The following TBC1D32 variants were observed in gnomAD, a reference collection of about 807,000 sequenced individuals.
The protein encoded by TBC1D32 is TBC1 domain family member 32, also known as protein broad-minded.
In TBC1D32, 151 loss-of-function variants were observed where a neutral mutation model predicts 170.3. That is an observed-to-expected ratio of 0.89 (90% confidence interval 0.78 to 1.01). The LOEUF is 1.01. Among genes scored for constraint, TBC1D32 ranks in the 50% least tolerant of loss-of-function variants. The pLI is 0.00. For missense variants in TBC1D32, 1,464 were observed against 1,457.1 expected (o/e 1.00, Z -0.08); for synonymous variants, 498 against 488.0 (o/e 1.02, Z -0.27).
At chr6:121,155,866 G>A (rs1241485417) in intron 24 of TBC1D32, among the ~76,000 whole-genome samples, 1 of 151,946 alleles carries the variant, frequency 6.6e-6, no homozygotes, top group East Asian at 1.9e-4. Flanking sequence ...CTAACTTGTG[G>A]TGAATTAACT....
At chr6:121,155,470 C>T (rs1784764028) in intron 24 of TBC1D32, among the ~76,000 whole-genome samples, 1 of 151,976 alleles carries the variant, frequency 6.6e-6, no homozygotes, top group South Asian at 2.1e-4. Context: ...TTCTTCTTTT[C>T]CTATTTGGAT....
chr6:121,133,861 A>G (rs1432437457), intron 24 of TBC1D32, among the ~76,000 whole-genome samples: 2 of 152,072 alleles, frequency 1.3e-5, no homozygotes, highest in South Asian at 2.1e-4. Flanking sequence ...GTCAGAAGCA[A>G]TAACTAGAGA....
At chr6:121,100,064 T>C (rs2128185226) in intron 30 of TBC1D32, among the ~76,000 whole-genome samples, 1 of 152,090 alleles carries the variant, frequency 6.6e-6, no homozygotes, top group Non-Finnish European at 1.5e-5. Context: ...GGTTTCCATG[T>C]AGTTGAGCGG....
chr6:121,204,119 T>C (rs1280557568), intron 22 of TBC1D32, among the ~76,000 whole-genome samples: 7 of 150,658 alleles, frequency 4.6e-5, no homozygotes, highest in Admixed American at 4.6e-4. Flanking sequence ...TTTCCTAGTT[T>C]CCCCCATCAA....
chr6:121,156,570 G>A (rs987505832), intron 24 of TBC1D32, among the ~76,000 whole-genome samples: 3 of 151,472 alleles, frequency 2.0e-5, no homozygotes, highest in Admixed American at 2.0e-4. Context: ...CTGGAGTCAG[G>A]TGGGTTTTTT....
chr6:121,277,487 CAAAAAAAAAAAA>C (rs755504493), intron 15 of TBC1D32, among the ~76,000 whole-genome samples: 3 of 28,222 alleles, frequency 1.1e-4, no homozygotes, highest in Non-Finnish European at 2.1e-4. Context: ...GACTCCATCT[CAAAAAAAAAAAA>C]AAAAAAAAAA....
intron 30 of TBC1D32, among the ~76,000 whole-genome samples, chr6:121,094,864 G>A (rs530454331): frequency 6.6e-5 from 10 of 152,016 alleles, no homozygotes; most frequent in East Asian, 1.9e-4. Context: ...TTGTGGATAC[G>A]TATTTTCAAA....
chr6:121,161,079 T>A, intron 22 of TBC1D32, 23 bp from the exon 23 acceptor site: 1 of 1,530,196 alleles, frequency 6.5e-7, no homozygotes, highest in Non-Finnish European at 9.0e-7. Context: ...ATATATCACC[T>A]TTGTCATCCT....
chr6:121,142,855 A>G (rs556920682), intron 24 of TBC1D32, among the ~76,000 whole-genome samples: 6 of 152,282 alleles, frequency 3.9e-5, no homozygotes, highest in African/African-American at 1.2e-4. Context: ...TTAAATTACT[A>G]TTTTACTACC....
intron 15 of TBC1D32, among the ~76,000 whole-genome samples, chr6:121,276,294 C>T (rs1197716314): frequency 6.6e-6 from 1 of 151,862 alleles, no homozygotes; most frequent in Non-Finnish European, 1.5e-5. Context: ...GGTCATTGCG[C>T]TAGATGTTAA....
At chr6:121,227,828 G>T (rs1000813464) in intron 20 of TBC1D32, among the ~76,000 whole-genome samples, 2 of 152,040 alleles carry the variant, frequency 1.3e-5, no homozygotes, top group Non-Finnish European at 2.9e-5. Context: ...AATTAGAAAT[G>T]GTTTCCTCTA....
At chr6:121,232,695 T>G (rs2128342947) in intron 20 of TBC1D32, among the ~76,000 whole-genome samples, 1 of 151,224 alleles carries the variant, frequency 6.6e-6, no homozygotes, top group South Asian at 2.1e-4. Flanking sequence ...GCAACTATTG[T>G]AAACCAGGTT....
rs527319762 is a variant in TBC1D32, at chr6:121,108,519, C to A, written c.3325-2356G>T. Among the ~76,000 whole-genome samples, 29 of 151,998 alleles carry A rather than the reference C, an allele frequency of 1.9e-4. 1 individual carries two copies. In the South Asian group the frequency reaches 6.0e-3, roughly 32 times the overall value. The stretch of plus-strand genomic sequence containing the variant: ...GTCTAATATATAAACTACGCTAAGA[C>A]AAAGTGCAAAAAAATTGTCAATAAA... On this transcript the variant is annotated intron_variant, in intron 29 of 31. Transcript: ENST00000398212.
intron 11 of TBC1D32, 78 bp from the exon 12 acceptor site, chr6:121,292,271 A>G: frequency 7.1e-7 from 1 of 1,403,234 alleles, no homozygotes; most frequent in Non-Finnish European, 9.6e-7. Flanking sequence ...CCTTCTAGAC[A>G]TTAAACAAGG....
At chr6:121,334,488 TGCGCAC>T (rs1334314298), upstream of TBC1D32, 15 of 1,539,750 alleles carry the variant, frequency 9.7e-6, no homozygotes, top group African/African-American at 2.8e-5. Flanking sequence ...AGCCGCGCAC[TGCGCAC>T]GCGCACGCGC....
intron 22 of TBC1D32, among the ~76,000 whole-genome samples, chr6:121,171,676 G>A (rs1427305854): frequency 1.3e-5 from 2 of 152,082 alleles, no homozygotes; most frequent in African/African-American, 2.4e-5. Flanking sequence ...TGTGGAGGGA[G>A]GGAGATGAAA....
chr6:121,226,636 T>C (rs1048906900), intron 20 of TBC1D32, among the ~76,000 whole-genome samples: 12 of 152,074 alleles, frequency 7.9e-5, no homozygotes, highest in African/African-American at 2.4e-4. Flanking sequence ...ACATGTCCAA[T>C]AGACAGAATA....
chr6:121,307,578 G>A (rs1030282956), intron 5 of TBC1D32, among the ~76,000 whole-genome samples: 4 of 151,450 alleles, frequency 2.6e-5, no homozygotes, highest in African/African-American at 4.9e-5. Flanking sequence ...GAAAACTATC[G>A]GCCAGACACC....
chr6:121,240,659 C>T (rs555392991), intron 19 of TBC1D32, among the ~76,000 whole-genome samples: 3 of 151,494 alleles, frequency 2.0e-5, no homozygotes, highest in Non-Finnish European at 2.9e-5. Flanking sequence ...GAGGCCAAGG[C>T]GGGCGAATCA....
Sources: allele counts gnomAD v4.1 joint callset (sites outside exome capture counted in the v4.1 genomes callset), GRCh38; gene constraint gnomAD v4.1.1; transcripts MANE v1.5; gene names NCBI Gene and HGNC (gene_info 2026-07-23, HGNC 2026-07-21).